Variants in SLC22A23 observed in about 807,000 individuals in gnomAD.
The protein encoded by SLC22A23 is ion transporter protein.
SLC22A23 carries 26 observed loss-of-function variants against 61.0 expected under a neutral mutation model. The ratio of observed to expected loss-of-function variants is 0.43; its 90% CI spans 0.31 to 0.59. The LOEUF (loss-of-function observed/expected upper bound fraction) is 0.59, where lower values mean the gene tolerates loss of function less well. SLC22A23 is among the 20% of genes least tolerant of loss of function. The pLI is 0.11. For missense variants in SLC22A23, 796 were observed against 934.7 expected (o/e 0.85, Z 1.94); for synonymous variants, 430 against 413.9 (o/e 1.04, Z -0.47).
chr6:3,421,834 A>G (rs192006495), intron 1 of SLC22A23, among the ~76,000 whole-genome samples: 2 of 152,352 alleles, frequency 1.3e-5, no homozygotes, highest in Admixed American at 1.3e-4. Context: ...TTTTAAGACA[A>G]TCCTATAAAT....
chr6:3,410,056 C>G lies in SLC22A23; in HGVS notation c.913+132G>C. On this transcript the variant is annotated intron_variant, in intron 3 of 9. Transcript: ENST00000406686. The surrounding 1 kb of genome is among the most constrained non-coding windows in gnomAD (Gnocchi z 5.0). ...AAAGCCTCTTTCACAACACTTGAGG[C>G]CTTTAATGTTTGTGTTTCCACAAAA... 1 of 970,588 alleles carries G rather than the reference C, an allele frequency of 1.0e-6. No individual in the cohort carries two copies. The highest frequency in any genetic ancestry group is 1.5e-6 in the Non-Finnish European group (1 of 667,540). 60.1% of individuals were successfully genotyped at this position (970,588 alleles called of 1,614,324 possible). A position where few individuals can be genotyped will look rare whatever the true frequency, so the allele number is the denominator to read the frequency against.
Position 3,297,995 on chromosome 6 carries a change from G to A in SLC22A23, c.1210+96C>T. 1.5e-6 allele frequency: 2 copies of A among 1,376,298 alleles called. No individual in the cohort carries two copies. The highest frequency in any genetic ancestry group is 2.8e-5 in the East Asian group (1 of 35,676). The allele number at this position is 1,376,298 out of a possible 1,614,324, so 85.3% of individuals were successfully genotyped here. A position where few individuals can be genotyped will look rare whatever the true frequency, so the allele number is the denominator to read the frequency against. ...AAGGTCACAGGAGAATTGCACAGCT[G>A]GTTAAAACAGCTGTTTGTGCAACAA... On this transcript the variant is annotated intron_variant, in intron 5 of 9. Coordinates refer to ENST00000406686, the MANE Select transcript of SLC22A23 (RefSeq NM_015482.2). The surrounding 1 kb of genome is among the most constrained non-coding windows in gnomAD (Gnocchi z 4.3).
At chr6:3,299,372 C>T (rs1056438288) in intron 4 of SLC22A23, among the ~76,000 whole-genome samples, 6 of 152,190 alleles carry the variant, frequency 3.9e-5, no homozygotes, top group Admixed American at 1.3e-4. Flanking sequence ...TTTTCAGTTT[C>T]GGAACCTGAA....
At position 3,410,013 on chromosome 6, in the gene SLC22A23, T is replaced by C. The variant is rs2277076; in HGVS notation, c.913+175A>G. Among the ~76,000 whole-genome samples, 62,670 of 151,984 alleles carry C rather than the reference T, an allele frequency of 0.41. 13,472 individuals carry two copies. Among genetic ancestry groups the C allele is most frequent in the Non-Finnish European group, 0.47 (32,157 of 67,978 alleles). On this transcript the variant is annotated intron_variant, in intron 3 of 9. Transcript: ENST00000406686. This position sits in a 1 kb window ranked among gnomAD's most constrained non-coding sequence, Gnocchi z 5.0. ...CTGGAGATCAGGATTGAGTGAAATG[T>C]TTCACGGCATCACCTGAAAAGCCTC...
rs34898819 is a variant in SLC22A23, at chr6:3,286,100, ATTTTTTT to A, written c.1546+752_1546+758del. ...GATGGACTCTCTAGCTTTGCCTTAGATTTTTTTTTTTTTTTTGAGATGGAGTCTTGCT... is the reference window on the plus strand; with the variant it reads ...GATGGACTCTCTAGCTTTGCCTTAGATTTTTTTTTGAGATGGAGTCTTGCT... On this transcript the variant is annotated intron_variant, in intron 7 of 9. Coordinates refer to ENST00000406686, the MANE Select transcript of SLC22A23 (RefSeq NM_015482.2). This position sits in a 1 kb window ranked among gnomAD's most constrained non-coding sequence, Gnocchi z 4.2. Among the ~76,000 whole-genome samples the A allele has an allele frequency of 2.1e-5, 3 of 142,020 alleles. No homozygotes were observed. Among genetic ancestry groups the A allele is most frequent in the African/African-American group, 5.1e-5 (2 of 38,868 alleles). 93.2% of individuals were successfully genotyped at this position (142,020 alleles called of 152,430 possible). A position where few individuals can be genotyped will look rare whatever the true frequency, so the allele number is the denominator to read the frequency against.
At chr6:3,354,042 CCACTTAT>C (rs1561918874) in intron 3 of SLC22A23, among the ~76,000 whole-genome samples, 1 of 152,316 alleles carries the variant, frequency 6.6e-6, no homozygotes. Context: ...GGTAGCTAAG[CCACTTAT>C]CTGGACCCAT....
intron 3 of SLC22A23, among the ~76,000 whole-genome samples, chr6:3,357,557 TA>T (rs201654371): frequency 0.021 from 3,236 of 152,262 alleles, 44 homozygotes; most frequent in African/African-American, 0.046. Context: ...AAGCTTATCA[TA>T]AAAAAATTTA....
At chr6:3,416,138 G>A (rs1242748419) in intron 1 of SLC22A23, among the ~76,000 whole-genome samples, 4 of 152,356 alleles carry the variant, frequency 2.6e-5, no homozygotes, top group Middle Eastern at 3.4e-3. Context: ...CAACCACCAC[G>A]GGAAATGTAA....
At chr6:3,431,059 T>TC (rs1453737754) in intron 1 of SLC22A23, among the ~76,000 whole-genome samples, 2 of 100,852 alleles carry the variant, frequency 2.0e-5, no homozygotes, top group African/African-American at 8.0e-5. Flanking sequence ...AGAGCAAAAC[T>TC]CCGTCTCAAA....
At position 3,273,235 on chromosome 6, in the gene SLC22A23, A is replaced by G. The variant is rs1758595738; in HGVS notation, c.1881T>C (p.Pro627=). 6.2e-7 allele frequency: 1 copy of G among 1,612,738 alleles called. No individual in the cohort carries two copies. The highest frequency in any genetic ancestry group is 1.7e-5 in the Admixed American group (1 of 59,960). The change falls in exon 10 of 10, where the codon CCT becomes CCC. Residue 627 remains proline, a synonymous_variant. Coordinates refer to ENST00000406686, the MANE Select transcript of SLC22A23 (RefSeq NM_015482.2). ...AGTGCTCCCCGTTAGAAATGTTCTC[A>G]GGCAGGTTCTGGTCCCTGCTCTCGG... ...LLPESRDQNL[P]ENISNGEHYT...
intron 1 of SLC22A23, among the ~76,000 whole-genome samples, chr6:3,425,430 G>A (rs1051468102): frequency 2.0e-5 from 3 of 151,530 alleles, no homozygotes; most frequent in East Asian, 1.9e-4. Flanking sequence ...GACTACAGGC[G>A]CCCGCCACCA....
intron 9 of SLC22A23, among the ~76,000 whole-genome samples, chr6:3,279,537 T>C (rs1160041048): frequency 2.1e-4 from 8 of 37,530 alleles, no homozygotes; most frequent in Non-Finnish European, 7.6e-4. Context: ...AAAAAAAAAA[T>C]CCTTGACATC....
intron 4 of SLC22A23, among the ~76,000 whole-genome samples, chr6:3,310,389 C>CGG (rs1561888393): frequency 7.6e-4 from 87 of 115,030 alleles, no homozygotes; most frequent in East Asian, 1.2e-3. Context: ...GTCTCCCACT[C>CGG]GAGCACCCTG....
chr6:3,371,846 T>A (rs1363807928), intron 3 of SLC22A23, among the ~76,000 whole-genome samples: 1 of 152,164 alleles, frequency 6.6e-6, no homozygotes, highest in Non-Finnish European at 1.5e-5. Flanking sequence ...CCATCGATTT[T>A]AAGATGCACC....
rs976076145 is a variant in SLC22A23 at position 3,360,098 on chromosome 6, G to C, written c.914-36096C>G. 3.3e-5 allele frequency among the ~76,000 whole-genome samples: 5 copies of C among 152,092 alleles called. No individual in the cohort carries two copies. Among genetic ancestry groups the C allele is most frequent in the Non-Finnish European group, 5.9e-5 (4 of 68,016 alleles). ...ACAGAAAGTAGAAGGGTGGCTGCTC[G>C]GGACTAAGGGATGGGAATGGGGAGT... On this transcript the variant is annotated intron_variant, in intron 3 of 9. Transcript: ENST00000406686. This position sits in a 1 kb window ranked among gnomAD's most constrained non-coding sequence, Gnocchi z 4.6.
At chr6:3,316,523 C>CGATGACA (rs1299473481) in intron 4 of SLC22A23, among the ~76,000 whole-genome samples, 7 of 152,238 alleles carry the variant, frequency 4.6e-5, no homozygotes, top group Non-Finnish European at 7.3e-5. Context: ...GCCTTGCTTA[C>CGATGACA]GATGACACCT....
chr6:3,378,080 G>A (rs1184803913), intron 3 of SLC22A23: 1 of 152,208 alleles, frequency 6.6e-6, no homozygotes, highest in Non-Finnish European at 1.5e-5. Flanking sequence ...CCACCACGAC[G>A]CCACATACCT....
At chr6:3,357,133 G>GC (rs1765162240) in intron 3 of SLC22A23, among the ~76,000 whole-genome samples, 1 of 147,844 alleles carries the variant, frequency 6.8e-6, no homozygotes, top group Admixed American at 6.7e-5. Flanking sequence ...TTACTCCAGT[G>GC]CCCACATCTG....
chr6:3,403,031 T>C lies in SLC22A23; in HGVS notation c.913+7157A>G, dbSNP rs112732671. On this transcript the variant is annotated intron_variant, in intron 3 of 9. Coordinates refer to ENST00000406686, the MANE Select transcript of SLC22A23 (RefSeq NM_015482.2). Reference sequence around the variant, plus strand: ...AACAGTTGTTGACAACAAACTTTCATGGCTCTGCACCATTTGAGTTATATT... The same window carrying C: ...AACAGTTGTTGACAACAAACTTTCACGGCTCTGCACCATTTGAGTTATATT... Among the ~76,000 whole-genome samples, 862 of 152,340 alleles carry C rather than the reference T, an allele frequency of 5.7e-3. 2 individuals are homozygous for C. Among genetic ancestry groups the C allele is most frequent in the Non-Finnish European group, 1.0e-2 (680 of 68,024 alleles).
Sources: allele counts gnomAD v4.1 joint callset (sites outside exome capture counted in the v4.1 genomes callset), GRCh38; gene constraint gnomAD v4.1.1; non-coding constraint Gnocchi (gnomAD v3.1); transcripts MANE v1.5; gene names NCBI Gene and HGNC (gene_info 2026-07-23, HGNC 2026-07-21).